Variants in GAS2 observed in about 807,000 individuals in gnomAD.
GAS2 encodes the protein growth arrest specific 2.
GAS2 carries 20 observed loss-of-function variants against 37.5 expected under a neutral mutation model. The ratio of observed to expected loss-of-function variants is 0.53; its 90% CI spans 0.37 to 0.77. The LOEUF is 0.77. GAS2 is among the 30% of genes least tolerant of loss of function. GAS2 has a pLI of 0.00. For synonymous variants in GAS2, 144 were observed against 132.2 expected (o/e 1.09, Z -0.61); for missense variants, 336 against 373.4 (o/e 0.90, Z 0.82).
At chr11:22,646,004 C>T (rs567646807) in intron 1 of GAS2, among the ~76,000 whole-genome samples, 56 of 151,882 alleles carry the variant, frequency 3.7e-4, no homozygotes, top group African/African-American at 1.2e-3. Flanking sequence ...CCACCACTCC[C>T]GGCTAATTTT....
intron 1 of GAS2, among the ~76,000 whole-genome samples, chr11:22,640,995 G>A (rs1017805054): frequency 1.3e-5 from 2 of 151,628 alleles, no homozygotes; most frequent in Non-Finnish European, 2.9e-5. Context: ...AACTTCATCT[G>A]TTTCTTCCAT....
chr11:22,786,304 G>A (rs564205430), intron 7 of GAS2, among the ~76,000 whole-genome samples: 1 of 152,078 alleles, frequency 6.6e-6, no homozygotes, highest in African/African-American at 2.4e-5. Context: ...AAAACAATTG[G>A]CCAGATAGAA....
At position 22,671,575 on chromosome 11, in the gene GAS2, CT is replaced by C. The variant is rs200933309; in HGVS notation, c.-20-3270del. ...GATCATCAGTCACTTTATTTCCCAC[CT>C]TTTTAAAAAGTTACCCCTTGGCATC... is the stretch of plus-strand genomic sequence containing the variant. On this transcript the variant is annotated intron_variant, in intron 1 of 7. Coordinates refer to ENST00000454584, the MANE Select transcript of GAS2 (RefSeq NM_001143830.3). Among the ~76,000 whole-genome samples, 428 of 152,158 alleles carry C rather than the reference CT, an allele frequency of 2.8e-3. 3 individuals are homozygous for C. The highest frequency in any genetic ancestry group is 9.5e-3 in the African/African-American group (396 of 41,528).
At chr11:22,671,774 AATTT>A (rs1849210784) in intron 1 of GAS2, among the ~76,000 whole-genome samples, 1 of 152,120 alleles carries the variant, frequency 6.6e-6, no homozygotes, top group African/African-American at 2.4e-5. Flanking sequence ...AAGATAAATT[AATTT>A]GATCTTTCTT....
chr11:22,700,364 T>C (rs1025661625), intron 3 of GAS2, among the ~76,000 whole-genome samples: 1 of 152,154 alleles, frequency 6.6e-6, no homozygotes, highest in South Asian at 2.1e-4. Flanking sequence ...AAGTTTGAAA[T>C]TCCCCCCTCT....
chr11:22,794,712 G>A (rs1244762891), intron 7 of GAS2, among the ~76,000 whole-genome samples: 2 of 152,082 alleles, frequency 1.3e-5, no homozygotes, highest in Admixed American at 6.6e-5. Context: ...GCTTCATTGT[G>A]TTGTCCTAAG....
chr11:22,731,769 G>GA (rs965905647), intron 4 of GAS2, among the ~76,000 whole-genome samples: 2 of 151,614 alleles, frequency 1.3e-5, no homozygotes, highest in African/African-American at 4.8e-5. Flanking sequence ...ATTTTTGTGG[G>GA]AAAAAAGCTA....
At chr11:22,801,678 G>T (rs1452887689) in intron 7 of GAS2, among the ~76,000 whole-genome samples, 1 of 152,044 alleles carries the variant, frequency 6.6e-6, no homozygotes, top group Non-Finnish European at 1.5e-5. Context: ...GCTAGATGGG[G>T]AATAAAGATG....
At chr11:22,671,496 T>C (rs1849198467) in intron 1 of GAS2, among the ~76,000 whole-genome samples, 1 of 152,114 alleles carries the variant, frequency 6.6e-6, no homozygotes, top group African/African-American at 2.4e-5. Flanking sequence ...TTAGGCACAT[T>C]ATACAAAAAA....
At chr11:22,757,646 T>G (rs1321352353) in intron 7 of GAS2, among the ~76,000 whole-genome samples, 2 of 152,202 alleles carry the variant, frequency 1.3e-5, no homozygotes, top group Non-Finnish European at 2.9e-5. Flanking sequence ...TTCTCTTGAT[T>G]TTTATACTAT....
chr11:22,773,226 T>A (rs1312895931), intron 7 of GAS2, among the ~76,000 whole-genome samples: 5 of 152,118 alleles, frequency 3.3e-5, no homozygotes, highest in African/African-American at 1.2e-4. Flanking sequence ...CTCTGGCTCT[T>A]CTGACTTTTG....
chr11:22,721,255 C>T (rs781675268), intron 3 of GAS2, among the ~76,000 whole-genome samples: 5 of 151,940 alleles, frequency 3.3e-5, no homozygotes, highest in Admixed American at 1.3e-4. Flanking sequence ...GTACCTCCTG[C>T]GTGTAAAGCA....
chr11:22,745,265 G>A (rs567578988), intron 5 of GAS2, among the ~76,000 whole-genome samples: 1 of 152,086 alleles, frequency 6.6e-6, no homozygotes, highest in South Asian at 2.1e-4. Context: ...TACAAAAACA[G>A]ACAGAACAAT....
At chr11:22,740,166 T>C (rs1358055516) in intron 5 of GAS2, among the ~76,000 whole-genome samples, 1 of 152,184 alleles carries the variant, frequency 6.6e-6, no homozygotes, top group East Asian at 1.9e-4. Context: ...TCTTGGTTAA[T>C]GAAAGTGAAT....
Position 22,758,969 on chromosome 11 carries a change from C to T in GAS2, c.723+3016C>T, listed in dbSNP as rs567835080. ...CAAGATTCTTTTGATAAGCCTGTGC[C>T]TAACACTGTTAACTCTTGACTGATG... On this transcript the variant is annotated intron_variant, in intron 7 of 7. Transcript: ENST00000454584. Among the ~76,000 whole-genome samples the T allele has an allele frequency of 2.6e-4, 39 of 150,218 alleles. No individual in the cohort carries two copies. The South Asian group carries it at 5.7e-3, about 22-fold the overall frequency.
intron 1 of GAS2, among the ~76,000 whole-genome samples, chr11:22,649,311 C>T (rs1226057273): frequency 2.6e-5 from 4 of 151,938 alleles, no homozygotes; most frequent in South Asian, 4.2e-4. Flanking sequence ...CTGCTGGATT[C>T]GGTTTGCCAG....
intron 1 of GAS2, among the ~76,000 whole-genome samples, chr11:22,648,231 T>C (rs1190835711): frequency 6.6e-6 from 1 of 151,924 alleles, no homozygotes; most frequent in African/African-American, 2.4e-5. Context: ...ATCAGATAGT[T>C]GTAGATATGC....
chr11:22,700,720 G>A lies in GAS2; in HGVS notation c.267+14931G>A, dbSNP rs529616797. ...TATCCAATGGTTCATTCAGTTTGAGGATTTCTTTTCAAGGCCTGATTATAC... is the reference window on the plus strand; with the variant it reads ...TATCCAATGGTTCATTCAGTTTGAGAATTTCTTTTCAAGGCCTGATTATAC... On this transcript the variant is annotated intron_variant, in intron 3 of 7. Coordinates refer to ENST00000454584, the MANE Select transcript of GAS2 (RefSeq NM_001143830.3). Among the ~76,000 whole-genome samples the A allele has an allele frequency of 4.6e-5, 7 of 152,222 alleles. No homozygotes were observed. The South Asian group carries it at 1.4e-3, about 32-fold the overall frequency.
intron 7 of GAS2, among the ~76,000 whole-genome samples, chr11:22,786,422 C>A (rs1187932734): frequency 2.6e-5 from 4 of 152,096 alleles, no homozygotes; most frequent in African/African-American, 4.8e-5. Flanking sequence ...GTCCATTAAT[C>A]TACTTATGTA....
Sources: allele counts gnomAD v4.1 joint callset (sites outside exome capture counted in the v4.1 genomes callset), GRCh38; gene constraint gnomAD v4.1.1; transcripts MANE v1.5; gene names NCBI Gene and HGNC (gene_info 2026-07-23, HGNC 2026-07-21).